FIP1L1: variants seen among roughly 807,000 people sequenced by gnomAD.
FIP1L1 encodes pre-mRNA 3'-end-processing factor FIP1.
Under a neutral mutation model 84.6 loss-of-function variants are expected in FIP1L1, and 21 were observed. The ratio of observed to expected loss-of-function variants is 0.25; its 90% CI spans 0.18 to 0.36. The LOEUF (loss-of-function observed/expected upper bound fraction) is 0.36, where lower values mean the gene tolerates loss of function less well. Ranked by LOEUF, FIP1L1 falls within the 10% of genes least tolerant of loss-of-function variation. FIP1L1 has a pLI of 1.00. For synonymous variants in FIP1L1, 263 were observed against 242.3 expected (o/e 1.09, Z -0.80); for missense variants, 526 against 751.1 (o/e 0.70, Z 3.50).
intron 16 of FIP1L1, among the ~76,000 whole-genome samples, chr4:53,453,483 T>G (rs1171511909): frequency 3.3e-5 from 5 of 152,220 alleles, no homozygotes; most frequent in Non-Finnish European, 7.3e-5. Context: ...TCTATTATTA[T>G]TCTATTTTTA....
chr4:53,447,018 A>G (rs1774481637), intron 15 of FIP1L1, among the ~76,000 whole-genome samples: 1 of 152,106 alleles, frequency 6.6e-6, no homozygotes, highest in Non-Finnish European at 1.5e-5. Context: ...ACATTGTAAG[A>G]AGTAAATAGA....
chr4:53,447,270 G>C (rs1319182217), intron 15 of FIP1L1, among the ~76,000 whole-genome samples: 1 of 151,716 alleles, frequency 6.6e-6, no homozygotes, highest in African/African-American at 2.4e-5. Flanking sequence ...CTACCCTTCT[G>C]TTTTCTCCCA....
chr4:53,421,013 T>A (rs1386587372), intron 11 of FIP1L1, among the ~76,000 whole-genome samples: 1 of 152,202 alleles, frequency 6.6e-6, no homozygotes, highest in Non-Finnish European at 1.5e-5. Context: ...AAAAAAGTAT[T>A]GATGCTGGGT....
At chr4:53,416,792 T>C (rs1295512543) in intron 11 of FIP1L1, among the ~76,000 whole-genome samples, 6 of 152,028 alleles carry the variant, frequency 3.9e-5, no homozygotes, top group Admixed American at 6.6e-5. Context: ...GGTGAAACCC[T>C]GTCTCTACTA....
At chr4:53,410,046 C>G (rs907971346) in intron 10 of FIP1L1, among the ~76,000 whole-genome samples, 1 of 152,240 alleles carries the variant, frequency 6.6e-6, no homozygotes, top group Non-Finnish European at 1.5e-5. Flanking sequence ...AACCCGGTAC[C>G]TCAGATGGAA....
intron 9 of FIP1L1, among the ~76,000 whole-genome samples, chr4:53,396,831 C>G (rs991879563): frequency 1.7e-4 from 24 of 138,332 alleles, no homozygotes; most frequent in Admixed American, 1.5e-3. Flanking sequence ...CTTTCTTAGT[C>G]TCTCTATATA....
In FIP1L1 at chr4:53,377,764, C is replaced by A; in HGVS notation, c.-75C>A. The stretch of plus-strand genomic sequence containing the variant: ...CGGCGGGTTCGCGCCCTTCTCGCGC[C>A]TCGGGGCTGCGAGGCTGGGGAAGGG... On this transcript the variant is annotated 5_prime_UTR_variant, in exon 1 of 18. Coordinates refer to ENST00000337488, the MANE Select transcript of FIP1L1 (RefSeq NM_030917.4). 1 of 1,375,176 alleles carries A rather than the reference C, an allele frequency of 7.3e-7. No homozygotes were observed. The highest frequency in any genetic ancestry group is 1.5e-5 in the African/African-American group (1 of 67,444). The allele number at this position is 1,375,176 out of a possible 1,614,324, so 85.2% of individuals were successfully genotyped here.
intron 13 of FIP1L1, 103 bp downstream of exon 13, chr4:53,428,286 A>G: frequency 8.8e-7 from 1 of 1,140,394 alleles, no homozygotes; most frequent in East Asian, 2.6e-5. Flanking sequence ...ATTTCATTAA[A>G]AGTAATAGAT....
chr4:53,460,300 T>TTCTC lies in FIP1L1; in HGVS notation c.*853_*856dup, dbSNP rs1721672577. ...AAAAACAAAACAAGTTTATAATTAATTCTCTGAGCGAGCATTTTTAGGGAT... is the reference window on the plus strand; with the variant it reads ...AAAAACAAAACAAGTTTATAATTAATTCTCTCTCTGAGCGAGCATTTTTAGGGAT... On this transcript the variant is annotated 3_prime_UTR_variant, in exon 18 of 18. Transcript: ENST00000337488. 1 of 189,662 alleles carries TTCTC rather than the reference T, an allele frequency of 5.3e-6. No individual in the cohort carries two copies. The highest frequency in any genetic ancestry group is 1.1e-5 in the Non-Finnish European group (1 of 90,384). 11.7% of individuals were successfully genotyped at this position (189,662 alleles called of 1,614,324 possible).
At chr4:53,406,098 G>A (rs1441717817) in intron 10 of FIP1L1, among the ~76,000 whole-genome samples, 1 of 152,072 alleles carries the variant, frequency 6.6e-6, no homozygotes, top group Non-Finnish European at 1.5e-5. Flanking sequence ...GTTTTCAAAG[G>A]GAATGCTTCC....
At chr4:53,410,236 T>G (rs567257664) in intron 10 of FIP1L1, among the ~76,000 whole-genome samples, 4 of 152,340 alleles carry the variant, frequency 2.6e-5, no homozygotes, top group Admixed American at 2.6e-4. Context: ...GAGGATGATT[T>G]TTTTGATTTT....
At chr4:53,413,294 T>C (rs1758000311) in intron 10 of FIP1L1, among the ~76,000 whole-genome samples, 1 of 152,094 alleles carries the variant, frequency 6.6e-6, no homozygotes, top group South Asian at 2.1e-4. Context: ...GGAATGGTAA[T>C]TAAAAAACAA....
intron 5 of FIP1L1, among the ~76,000 whole-genome samples, chr4:53,386,676 G>A (rs62323221): frequency 0.13 from 19,771 of 152,120 alleles, 2,562 homozygotes; most frequent in African/African-American, 0.32. Flanking sequence ...TATTAGATGC[G>A]TGCCTTGGAG....
rs1373759188 is a variant in FIP1L1 at position 53,377,695 on chromosome 4, C to A, written c.-144C>A. On this transcript the variant is annotated 5_prime_UTR_variant, in exon 1 of 18. Transcript: ENST00000337488. ...GCTTCATCTTTGCCGCCGCTGCCGTCGCCTTCCTGGGATTGGAGTCTCGAG... is the reference window on the plus strand; with the variant it reads ...GCTTCATCTTTGCCGCCGCTGCCGTAGCCTTCCTGGGATTGGAGTCTCGAG... 4 of 691,322 alleles carry A rather than the reference C, an allele frequency of 5.8e-6. No individual in the cohort carries two copies. The highest frequency in any genetic ancestry group is 1.9e-5 in the African/African-American group (1 of 53,932). 42.8% of individuals were successfully genotyped at this position (691,322 alleles called of 1,614,324 possible). A position where few individuals can be genotyped will look rare whatever the true frequency, so the allele number is the denominator to read the frequency against.
At chr4:53,440,716 T>TG (rs1198669834) in intron 13 of FIP1L1, 1 of 787,104 alleles carries the variant, frequency 1.3e-6, no homozygotes, top group East Asian at 2.7e-5. Flanking sequence ...GAATAGGCTA[T>TG]GGGGATTTCA....
At chr4:53,415,047 G>A (rs1408780584) in intron 11 of FIP1L1, among the ~76,000 whole-genome samples, 1 of 151,664 alleles carries the variant, frequency 6.6e-6, no homozygotes, top group Non-Finnish European at 1.5e-5. Flanking sequence ...ATTCCCAGGT[G>A]CTTTTCACTA....
intron 13 of FIP1L1, among the ~76,000 whole-genome samples, chr4:53,439,402 G>A (rs1578990597): frequency 6.6e-6 from 1 of 152,124 alleles, no homozygotes; most frequent in East Asian, 1.9e-4. Flanking sequence ...TTAAAATCAG[G>A]TGCTTTGGTC....
At chr4:53,386,826 T>C (rs1457620907) in intron 5 of FIP1L1, among the ~76,000 whole-genome samples, 1 of 152,198 alleles carries the variant, frequency 6.6e-6, no homozygotes, top group East Asian at 1.9e-4. Flanking sequence ...GTTGTTGTTC[T>C]GTTTTGCTTT....
chr4:53,456,775 A>G (rs1330243013), intron 16 of FIP1L1, among the ~76,000 whole-genome samples: 2 of 152,054 alleles, frequency 1.3e-5, no homozygotes, highest in Admixed American at 6.6e-5. Context: ...GAGGGTCTTT[A>G]TATTTTGTGT....
Sources: allele counts gnomAD v4.1 joint callset (sites outside exome capture counted in the v4.1 genomes callset), GRCh38; gene constraint gnomAD v4.1.1; transcripts MANE v1.5; gene names NCBI Gene and HGNC (gene_info 2026-07-23, HGNC 2026-07-21).